Variants in PCED1B observed in about 807,000 individuals in gnomAD.
PCED1B encodes PC-esterase domain-containing protein 1B.
For missense variants in PCED1B, 573 were observed against 573.9 expected (o/e 1.00, Z 0.02); for synonymous variants, 251 against 246.1 (o/e 1.02, Z -0.19).
intron 3 of PCED1B, among the ~76,000 whole-genome samples, chr12:47,229,801 T>C (rs543063291): frequency 5.1e-4 from 77 of 151,646 alleles, no homozygotes; most frequent in African/African-American, 1.8e-3. Context: ...ATGGAGTCTC[T>C]CTCTGTCACC....
chr12:47,222,422 CAAAAAAAAAA>C (rs750444043), intron 3 of PCED1B, among the ~76,000 whole-genome samples: 3 of 81,606 alleles, frequency 3.7e-5, no homozygotes, highest in South Asian at 9.6e-4. Context: ...AACTCCATCT[CAAAAAAAAAA>C]AAAAAAAAAA....
At chr12:47,180,205 T>A (rs1942051209) in intron 2 of PCED1B, among the ~76,000 whole-genome samples, 1 of 152,210 alleles carries the variant, frequency 6.6e-6, no homozygotes, top group Non-Finnish European at 1.5e-5. Flanking sequence ...TGGTTTTCTG[T>A]TCCCGTGTTA....
At chr12:47,186,226 G>GA (rs1051033022) in intron 2 of PCED1B, among the ~76,000 whole-genome samples, 9 of 34,796 alleles carry the variant, frequency 2.6e-4, no homozygotes, top group Middle Eastern at 0.01. Context: ...TAAAAAAAAA[G>GA]AAAAAAAAAA....
chr12:47,106,921 C>T (rs1938978015), intron 2 of PCED1B, among the ~76,000 whole-genome samples: 1 of 152,108 alleles, frequency 6.6e-6, no homozygotes, highest in South Asian at 2.1e-4. Flanking sequence ...CACCTTTTCC[C>T]CAAGTCCTGT....
At chr12:47,139,963 T>C (rs1335980547) in intron 2 of PCED1B, among the ~76,000 whole-genome samples, 10 of 151,978 alleles carry the variant, frequency 6.6e-5, no homozygotes, top group Admixed American at 6.6e-4. Flanking sequence ...TTAGATGATG[T>C]GTGTGTGTGG....
At chr12:47,090,608 T>C (rs1345190302) in intron 1 of PCED1B, among the ~76,000 whole-genome samples, 1 of 152,174 alleles carries the variant, frequency 6.6e-6, no homozygotes, top group Non-Finnish European at 1.5e-5. Context: ...TGTTCCCTTC[T>C]AGTCACTAAT....
intron 1 of PCED1B, among the ~76,000 whole-genome samples, chr12:47,083,837 G>A (rs1341032518): frequency 2.0e-5 from 3 of 152,088 alleles, no homozygotes; most frequent in Non-Finnish European, 2.9e-5. Flanking sequence ...TCACAATGGG[G>A]CTACTCTTTA....
chr12:47,105,233 G>A (rs1016307433), intron 2 of PCED1B, among the ~76,000 whole-genome samples: 2 of 152,076 alleles, frequency 1.3e-5, no homozygotes, highest in Non-Finnish European at 2.9e-5. Context: ...GATTGACAGA[G>A]TGAACGCGGT....
intron 2 of PCED1B, among the ~76,000 whole-genome samples, chr12:47,197,809 T>A (rs1942651714): frequency 6.6e-6 from 1 of 151,860 alleles, no homozygotes; most frequent in African/African-American, 2.4e-5. Flanking sequence ...ATAGACCATT[T>A]CCTAGAAGGA....
At chr12:47,160,293 C>CTTTTTTTTTTTTTTTTTTTTTTTTTTTTT (rs59856338) in intron 2 of PCED1B, among the ~76,000 whole-genome samples, 7 of 69,228 alleles carry the variant, frequency 1.0e-4, no homozygotes, top group Non-Finnish European at 1.5e-4. Flanking sequence ...TTTTCTTTTT[C>CTTTTTTTTTTTTTTTTTTTTTTTTTTTTT]TTTTTTTTTT....
At chr12:47,208,169 C>A (rs959847830) in intron 2 of PCED1B, among the ~76,000 whole-genome samples, 1 of 152,150 alleles carries the variant, frequency 6.6e-6, no homozygotes. Context: ...CCCTTAGACA[C>A]GTGCCTGAAC....
chr12:47,135,958 A>AG (rs1940347100), intron 2 of PCED1B: 3 of 183,240 alleles, frequency 1.6e-5, no homozygotes, highest in African/African-American at 7.1e-5. Context: ...CCAAAAAAAA[A>AG]AAAAGATTTT....
intron 1 of PCED1B, among the ~76,000 whole-genome samples, chr12:47,102,241 G>A (rs1162576749): frequency 6.6e-6 from 1 of 152,148 alleles, no homozygotes; most frequent in Non-Finnish European, 1.5e-5. Context: ...ATTACATGTG[G>A]AAACTTTCAG....
chr12:47,201,343 A>G (rs1021364029), intron 2 of PCED1B, among the ~76,000 whole-genome samples: 2 of 152,102 alleles, frequency 1.3e-5, no homozygotes, highest in Non-Finnish European at 2.9e-5. Flanking sequence ...GTTTCATATC[A>G]GTTAATTGCA....
intron 2 of PCED1B, among the ~76,000 whole-genome samples, chr12:47,119,395 A>G (rs1939575057): frequency 6.6e-6 from 1 of 152,138 alleles, no homozygotes; most frequent in Admixed American, 6.5e-5. Flanking sequence ...GACTTCATCA[A>G]AACTAAAAGC....
intron 2 of PCED1B, among the ~76,000 whole-genome samples, chr12:47,114,747 G>A (rs989447967): frequency 2.6e-5 from 4 of 152,182 alleles, no homozygotes; most frequent in African/African-American, 2.4e-5. Flanking sequence ...TGCCAACAAC[G>A]TACAGGCCTC....
At chr12:47,106,427 G>A (rs1938950502) in intron 2 of PCED1B, among the ~76,000 whole-genome samples, 1 of 152,104 alleles carries the variant, frequency 6.6e-6, no homozygotes, top group African/African-American at 2.4e-5. Context: ...TTGCGTAATG[G>A]GAAGAAAAGT....
chr12:47,167,518 G>T (rs1204163153), intron 2 of PCED1B, among the ~76,000 whole-genome samples: 1 of 152,158 alleles, frequency 6.6e-6, no homozygotes, highest in Non-Finnish European at 1.5e-5. Flanking sequence ...AGGGGAAAGA[G>T]CCAGTTGTCT....
intron 2 of PCED1B, among the ~76,000 whole-genome samples, chr12:47,115,843 G>A (rs1311492221): frequency 2.0e-5 from 3 of 152,132 alleles, no homozygotes; most frequent in South Asian, 4.1e-4. Context: ...AAAAATAATT[G>A]TATACGACAA....
Sources: gnomAD v4.1 joint callset for allele counts (sites outside exome capture counted in the v4.1 genomes callset) on GRCh38, gnomAD v4.1.1 for gene constraint, MANE v1.5 for transcripts, NCBI Gene and HGNC (gene_info 2026-07-23, HGNC 2026-07-21) for gene names.